KCNJ6: variants seen among roughly 807,000 people sequenced by gnomAD.
KCNJ6 encodes the protein potassium inwardly rectifying channel subfamily J member 6.
Under a neutral mutation model 34.2 loss-of-function variants are expected in KCNJ6, and 9 were observed. The ratio of observed to expected loss-of-function variants is 0.26; its 90% CI spans 0.16 to 0.46. The LOEUF is 0.46. Ranked by LOEUF, KCNJ6 falls within the 20% of genes least tolerant of loss-of-function variation. The pLI is 1.00. For missense variants in KCNJ6, 236 were observed against 531.3 expected, an observed-to-expected ratio of 0.44 and a Z score of 5.46; for synonymous variants, 196 against 207.1, an observed-to-expected ratio of 0.95 and a Z score of 0.46.
intron 1 of KCNJ6, among the ~76,000 whole-genome samples, chr21:37,898,170 C>T (rs546583911): frequency 1.4e-4 from 21 of 152,312 alleles, no homozygotes; most frequent in Admixed American, 2.6e-4. Flanking sequence ...TGGTTGCTGA[C>T]GCTAGCCTGG....
intron 2 of KCNJ6, among the ~76,000 whole-genome samples, chr21:37,825,063 T>C (rs2055392475): frequency 1.3e-5 from 2 of 152,236 alleles, no homozygotes; most frequent in South Asian, 4.1e-4. Flanking sequence ...TGCTTCCCTC[T>C]TACAAGGATA....
Position 37,617,036 on chromosome 21 carries a change from CTTTCTTTCTTTCTTTCTTTTCT to C in KCNJ6, c.*8101_*8122del, listed in dbSNP as rs1252365442. 0.13 allele frequency: 2,627 copies of C among 19,900 alleles called. 97 individuals are homozygous for C. Among genetic ancestry groups the C allele is most frequent in the African/African-American group, 0.21 (2,344 of 11,148 alleles). The allele number at this position is 19,900 out of a possible 1,614,324, so 1.2% of individuals were successfully genotyped here. A position where few individuals can be genotyped will look rare whatever the true frequency, so the allele number is the denominator to read the frequency against. On this transcript the variant is annotated 3_prime_UTR_variant, in exon 4 of 4. Coordinates refer to ENST00000609713, the MANE Select transcript of KCNJ6 (RefSeq NM_002240.5). ...TCTTTCTTTCTTTCTTTCTTTCTTTCTTTCTTTCTTTCTTTCTTTTCTTTTCTTTTCTTTTCTTTTCTTTCTT... is the reference window on the plus strand; with the variant it reads ...TCTTTCTTTCTTTCTTTCTTTCTTTCTTTCTTTTCTTTTCTTTTCTTTCTT...
At chr21:37,846,079 C>A (rs142637234) in intron 1 of KCNJ6, among the ~76,000 whole-genome samples, 1 of 152,108 alleles carries the variant, frequency 6.6e-6, no homozygotes, top group African/African-American at 2.4e-5. Flanking sequence ...TCGGGTAGAG[C>A]ATTGACTTTC....
chr21:37,612,687 C>T lies in KCNJ6; in HGVS notation c.*12472G>A, dbSNP rs990852322. ...CGGCAAAGAGGGTCTTTTCAACAAA[C>T]GGTGTTGAAATAGCTGCACATTTGC... is the stretch of plus-strand genomic sequence containing the variant. On this transcript the variant is annotated 3_prime_UTR_variant, in exon 4 of 4. Transcript: ENST00000609713. 3.0e-5 allele frequency: 4 copies of T among 134,284 alleles called. No homozygotes were observed. Among genetic ancestry groups the T allele is most frequent in the Non-Finnish European group, 4.6e-5 (3 of 65,130 alleles). The allele number at this position is 134,284 out of a possible 1,614,324, so 8.3% of individuals were successfully genotyped here.
At chr21:37,740,055 C>T (rs1318284694) in intron 2 of KCNJ6, among the ~76,000 whole-genome samples, 1 of 152,152 alleles carries the variant, frequency 6.6e-6, no homozygotes, top group African/African-American at 2.4e-5. Flanking sequence ...GTGGAGGAAG[C>T]TCACTGGGAC....
intron 3 of KCNJ6, among the ~76,000 whole-genome samples, chr21:37,636,488 T>A (rs1243738837): frequency 6.6e-6 from 1 of 152,234 alleles, no homozygotes; most frequent in Non-Finnish European, 1.5e-5. Context: ...GGATGCCTAG[T>A]TATTCTTCCA....
chr21:37,911,490 A>G (rs1327222369), intron 1 of KCNJ6, among the ~76,000 whole-genome samples: 1 of 152,208 alleles, frequency 6.6e-6, no homozygotes, highest in Non-Finnish European at 1.5e-5. Context: ...CATCTCAATA[A>G]GCTATAAATC....
intron 2 of KCNJ6, among the ~76,000 whole-genome samples, chr21:37,737,131 T>C (rs531627993): frequency 6.6e-6 from 1 of 152,254 alleles, no homozygotes; most frequent in African/African-American, 2.4e-5. Context: ...GCACAGCTTG[T>C]TTTTTCTCTG....
At chr21:37,899,066 G>C (rs953616078) in intron 1 of KCNJ6, among the ~76,000 whole-genome samples, 1 of 152,138 alleles carries the variant, frequency 6.6e-6, no homozygotes, top group Non-Finnish European at 1.5e-5. Context: ...CCCTCCTTCT[G>C]TTAAGAAGTA....
At chr21:37,660,592 G>C (rs531024035) in intron 3 of KCNJ6, among the ~76,000 whole-genome samples, 1 of 152,188 alleles carries the variant, frequency 6.6e-6, no homozygotes, top group South Asian at 2.1e-4. Flanking sequence ...ACTTGTAGAC[G>C]ATGGTAGCTC....
At chr21:37,739,374 T>C (rs1414167422) in intron 2 of KCNJ6, among the ~76,000 whole-genome samples, 22 of 152,170 alleles carry the variant, frequency 1.4e-4, no homozygotes, top group Admixed American at 1.4e-3. Context: ...GGAATAAAAT[T>C]GATGCAAAAG....
chr21:37,764,418 G>A (rs2055081222), intron 2 of KCNJ6, among the ~76,000 whole-genome samples: 1 of 149,082 alleles, frequency 6.7e-6, no homozygotes. Flanking sequence ...TTGCTCTGCT[G>A]CCCAGGCTGG....
intron 2 of KCNJ6, among the ~76,000 whole-genome samples, chr21:37,796,649 G>C (rs1244952351): frequency 5.3e-5 from 8 of 152,270 alleles, no homozygotes; most frequent in Non-Finnish European, 8.8e-5. Flanking sequence ...GGGCCTCCTG[G>C]AAGACCAACT....
chr21:37,708,074 A>T (rs1222476587), intron 3 of KCNJ6, among the ~76,000 whole-genome samples: 2 of 152,192 alleles, frequency 1.3e-5, no homozygotes, highest in African/African-American at 4.8e-5. Context: ...CATCTAATTT[A>T]GTGGCTTCTT....
intron 1 of KCNJ6, among the ~76,000 whole-genome samples, chr21:37,907,745 G>T (rs1208560521): frequency 1.3e-5 from 2 of 152,160 alleles, no homozygotes; most frequent in African/African-American, 2.4e-5. Flanking sequence ...CAAGATACCT[G>T]AAAACAACTA....
Position 37,710,062 on chromosome 21 carries a change from G to A in KCNJ6, c.946+4149C>T, listed in dbSNP as rs2054743286. Among the ~76,000 whole-genome samples, 3 of 144,868 alleles carry A rather than the reference G, an allele frequency of 2.1e-5. No homozygotes were observed. In the Admixed American group the frequency reaches 2.1e-4, roughly 10 times the overall value. On this transcript the variant is annotated intron_variant, in intron 3 of 3. Transcript: ENST00000609713. The stretch of plus-strand genomic sequence containing the variant: ...TTATCTTCTTTAAGAAAAACTTATT[G>A]GAAAAAAAAACAGATGGAAGAAGAA...
intron 1 of KCNJ6, among the ~76,000 whole-genome samples, chr21:37,888,108 C>A (rs2055744576): frequency 6.6e-6 from 1 of 152,226 alleles, no homozygotes; most frequent in African/African-American, 2.4e-5. Context: ...CCATGAAAAC[C>A]AAGGCTGGCT....
intron 3 of KCNJ6, among the ~76,000 whole-genome samples, chr21:37,643,391 A>G (rs2054389793): frequency 6.6e-6 from 1 of 152,214 alleles, no homozygotes; most frequent in East Asian, 1.9e-4. Context: ...CTCAGAGCCA[A>G]GGGACCTGGT....
At chr21:37,704,743 A>G (rs1325667804) in intron 3 of KCNJ6, among the ~76,000 whole-genome samples, 2 of 152,174 alleles carry the variant, frequency 1.3e-5, no homozygotes, top group Non-Finnish European at 2.9e-5. Context: ...AGCCGAGCTT[A>G]ATTAGGCTGA....
Sources: gnomAD v4.1 joint callset for allele counts (sites outside exome capture counted in the v4.1 genomes callset) on GRCh38, gnomAD v4.1.1 for gene constraint, MANE v1.5 for transcripts, NCBI Gene and HGNC (gene_info 2026-07-23, HGNC 2026-07-21) for gene names.